The following COA1 variants were observed in gnomAD, a reference collection of about 807,000 sequenced individuals.
COA1 encodes the protein cytochrome c oxidase assembly factor 1 homolog.
A neutral mutation model predicts 16.0 loss-of-function variants in COA1; 13 were observed. The ratio of observed to expected loss-of-function variants is 0.81; its 90% CI spans 0.53 to 1.29. The LOEUF (loss-of-function observed/expected upper bound fraction) is 1.29. Among genes scored for constraint, COA1 ranks in the 50% most tolerant of loss-of-function variants. The pLI, the probability that COA1 is intolerant of heterozygous loss-of-function variation, is 0.00. For synonymous variants in COA1, 65 were observed against 65.7 expected (o/e 0.99, Z 0.05); for missense variants, 179 against 177.0 (o/e 1.01, Z -0.06).
intron 1 of COA1, chr7:43,657,293 T>C (rs2091866969): frequency 6.6e-6 from 1 of 152,208 alleles, no homozygotes; most frequent in Non-Finnish European, 1.5e-5. Flanking sequence ...AGCAAGTGTA[T>C]AGATTAGCAA....
At chr7:43,694,954 C>G (rs1227597156) in intron 1 of COA1, among the ~76,000 whole-genome samples, 1 of 152,144 alleles carries the variant, frequency 6.6e-6, no homozygotes, top group Non-Finnish European at 1.5e-5. Context: ...GCAACTCCAG[C>G]CTTCTATCTG....
intron 6 of COA1, among the ~76,000 whole-genome samples, chr7:43,610,726 TAG>T (rs980979059): frequency 6.6e-6 from 1 of 152,016 alleles, no homozygotes; most frequent in Non-Finnish European, 1.5e-5. Context: ...TATAGATAGA[TAG>T]AGTCATACTA....
At chr7:43,711,807 G>A (rs527983340) in intron 1 of COA1, among the ~76,000 whole-genome samples, 4 of 152,298 alleles carry the variant, frequency 2.6e-5, no homozygotes, top group South Asian at 2.1e-4. Context: ...AAAAGGTGCA[G>A]TACAAATATA....
chr7:43,625,069 A>C (rs1249055260), intron 6 of COA1: 1 of 363,780 alleles, frequency 2.7e-6, no homozygotes, highest in Non-Finnish European at 4.9e-6. Context: ...ATTTTTAAGA[A>C]GGGAGATGTT....
At chr7:43,651,783 G>A (rs1192957183) in intron 1 of COA1, among the ~76,000 whole-genome samples, 1 of 151,294 alleles carries the variant, frequency 6.6e-6, no homozygotes, top group Admixed American at 6.6e-5. Flanking sequence ...GATCACTTAA[G>A]CCCAGGAGTT....
intron 1 of COA1, among the ~76,000 whole-genome samples, chr7:43,659,738 G>T (rs140534785): frequency 1.3e-5 from 2 of 151,942 alleles, no homozygotes; most frequent in Non-Finnish European, 2.9e-5. Context: ...TATTTCTCTG[G>T]AGAGTCCTCT....
chr7:43,632,932 A>G (rs2085320856), intron 6 of COA1: 1 of 152,196 alleles, frequency 6.6e-6, no homozygotes, highest in Non-Finnish European at 1.5e-5. Flanking sequence ...AACAGACCCA[A>G]CGTCATCCAG....
intron 1 of COA1, among the ~76,000 whole-genome samples, chr7:43,672,472 T>A (rs181473764): frequency 1.4e-3 from 207 of 152,234 alleles, no homozygotes; most frequent in African/African-American, 4.9e-3. Context: ...CATCCCTTCA[T>A]ATTAAAAACC....
intron 1 of COA1, among the ~76,000 whole-genome samples, chr7:43,661,858 T>G (rs370897023): frequency 6.6e-6 from 1 of 152,192 alleles, no homozygotes; most frequent in East Asian, 1.9e-4. Flanking sequence ...ACCAAATAAA[T>G]AAGACTTTGG....
chr7:43,664,655 G>C (rs1441692489), intron 1 of COA1, among the ~76,000 whole-genome samples: 6 of 152,132 alleles, frequency 3.9e-5, no homozygotes, highest in African/African-American at 1.4e-4. Flanking sequence ...CCTAAAGTAG[G>C]AGGGTCACTT....
At chr7:43,671,080 C>A (rs1207734524) in intron 1 of COA1, among the ~76,000 whole-genome samples, 1 of 152,088 alleles carries the variant, frequency 6.6e-6, no homozygotes, top group Non-Finnish European at 1.5e-5. Context: ...TATCCACATG[C>A]AAAATAATAA....
intron 6 of COA1, chr7:43,632,432 G>A (rs2085271357): frequency 6.6e-6 from 1 of 152,190 alleles, no homozygotes; most frequent in Non-Finnish European, 1.5e-5. Flanking sequence ...TCCAATTAAT[G>A]TTGATATTTT....
intron 1 of COA1, among the ~76,000 whole-genome samples, chr7:43,664,058 T>C (rs9690517): frequency 0.015 from 2,254 of 148,432 alleles, 53 homozygotes; most frequent in African/African-American, 0.054. Context: ...TCTCAAAAAA[T>C]AAATTTTTTT....
intron 6 of COA1, among the ~76,000 whole-genome samples, chr7:43,610,801 T>C (rs1271725617): frequency 6.6e-6 from 1 of 151,988 alleles, no homozygotes; most frequent in Non-Finnish European, 1.5e-5. Context: ...TAATTTTTAT[T>C]GCATGAAGGC....
chr7:43,627,031 T>C (rs1298132546), intron 6 of COA1, among the ~76,000 whole-genome samples: 2 of 152,236 alleles, frequency 1.3e-5, no homozygotes, highest in Non-Finnish European at 2.9e-5. Flanking sequence ...TCTACACTTA[T>C]CTAAAGCTGT....
At chr7:43,609,125 T>C (rs1419904528) in exon 7 of COA1, 1 of 152,236 alleles carries the variant, frequency 6.6e-6, no homozygotes, top group Non-Finnish European at 1.5e-5. Flanking sequence ...GTTATGACAG[T>C]ATTCAGGGTT....
chr7:43,639,535 A>C lies in COA1; in HGVS notation c.*47T>G. 1.3e-6 allele frequency: 2 copies of C among 1,494,150 alleles called. No individual in the cohort carries two copies. The highest frequency in any genetic ancestry group is 2.3e-5 in the South Asian group (2 of 88,508). The allele number at this position is 1,494,150 out of a possible 1,614,324, so 92.6% of individuals were successfully genotyped here. A position where few individuals can be genotyped will look rare whatever the true frequency, so the allele number is the denominator to read the frequency against. On this transcript the variant is annotated 3_prime_UTR_variant, in exon 6 of 6. Transcript: ENST00000223336. ...CCACCCCAGTGGCCATATGGTAGAG[A>C]TGAGGGAAGGATGGACTAGAAGCAA...
At chr7:43,649,586 G>A (rs1400279608) in intron 1 of COA1, 1 of 152,172 alleles carries the variant, frequency 6.6e-6, no homozygotes. Context: ...TATAAAAACA[G>A]TATCAAGATA....
rs191993163 is a variant in COA1, at chr7:43,657,598, C to T, written c.-38-8946G>A. ...GAAACAAAAAAGAGAACAAAACAGA[C>T]AGGTCATTTATGGACCTTACCCTGT... On this transcript the variant is annotated intron_variant, in intron 1 of 5. Transcript: ENST00000223336. 1.1e-3 allele frequency among the ~76,000 whole-genome samples: 165 copies of T among 152,204 alleles called. 1 individual carries two copies. The highest frequency in any genetic ancestry group is 1.6e-3 in the Non-Finnish European group (110 of 68,016).
Sources: allele counts gnomAD v4.1 joint callset (sites outside exome capture counted in the v4.1 genomes callset), GRCh38; gene constraint gnomAD v4.1.1; transcripts MANE v1.5; gene names NCBI Gene and HGNC (gene_info 2026-07-23, HGNC 2026-07-21).